OR51B5: variants seen among roughly 807,000 people sequenced by gnomAD.
OR51B5 encodes the protein olfactory receptor 51B5.
For synonymous variants in OR51B5, 186 were observed against 144.8 expected, an observed-to-expected ratio of 1.28 and a Z score of -2.04; for missense variants, 456 against 374.6, an observed-to-expected ratio of 1.22 and a Z score of -1.79.
chr11:5,343,684 G>GGGTTACTCATACTATTT (rs1320935618), upstream of OR51B5: 31 of 526,912 alleles, frequency 5.9e-5, no homozygotes, highest in Admixed American at 6.3e-4. Context: ...TACATTCTCA[G>GGGTTACTCATACTATTT]GGTTACTCAT....
intron 1 of OR51B5, chr11:5,390,281 G>A (rs1039542744): frequency 6.2e-7 from 1 of 1,613,900 alleles, no homozygotes; most frequent in Middle Eastern, 1.6e-4. Context: ...CTACCTTTTT[G>A]TGCCTCCCAT....
chr11:5,360,294 A>C (rs1386099737), intron 1 of OR51B5, among the ~76,000 whole-genome samples: 2 of 152,100 alleles, frequency 1.3e-5, no homozygotes, highest in Non-Finnish European at 2.9e-5. Flanking sequence ...AAACAAATTT[A>C]CAAGAAAAAA....
intron 1 of OR51B5, among the ~76,000 whole-genome samples, chr11:5,382,581 C>T (rs1260987169): frequency 6.6e-6 from 1 of 152,146 alleles, no homozygotes; most frequent in Non-Finnish European, 1.5e-5. Context: ...AAATCATGTT[C>T]TTAATAAATG....
At chr11:5,430,776 T>A (rs1354673730) in intron 1 of OR51B5, 2 of 457,262 alleles carry the variant, frequency 4.4e-6, no homozygotes, top group East Asian at 1.4e-4. Context: ...TAGACATAAG[T>A]GTGTGGACAA....
chr11:5,343,198 C>A, exon 1 of OR51B5: 2 of 1,613,782 alleles, frequency 1.2e-6, no homozygotes, highest in Non-Finnish European at 1.7e-6. Flanking sequence ...GAATGCCAGA[C>A]TCGAGAAAGG....
rs114245652 is a variant in OR51B5, at chr11:5,441,125, A to G, written n.84+64444T>C. 2.6e-3 allele frequency: 4,145 copies of G among 1,614,032 alleles called. 91 individuals carry two copies. In the African/African-American group the frequency reaches 0.05, roughly 19 times the overall value. On this transcript the variant is annotated intron_variant and non_coding_transcript_variant, in intron 1 of 4. Coordinates refer to the OR51B5 transcript ENST00000415970. The stretch of plus-strand genomic sequence containing the variant: ...TGAGCACAGTGACATAGCGTAATGG[A>G]TAACAAATAGCCACAAAGCGATCCA...
intron 1 of OR51B5, among the ~76,000 whole-genome samples, chr11:5,442,930 A>T (rs1442032770): frequency 6.6e-6 from 1 of 152,102 alleles, no homozygotes; most frequent in Admixed American, 6.6e-5. Context: ...TCTCCATTCA[A>T]GGGTACTATT....
chr11:5,401,888 CTTCCTTCCTTCCTTTTCTT>C (rs1849974657), intron 1 of OR51B5, among the ~76,000 whole-genome samples: 1 of 144,874 alleles, frequency 6.9e-6, no homozygotes, highest in African/African-American at 2.6e-5. Flanking sequence ...TTTTCTCTCT[CTTCCTTCCTTCCTTTTCTT>C]TCTCTCTCTC....
In OR51B5 at chr11:5,374,709, G is replaced by A. The variant is rs537521521; in HGVS notation, n.85-27799C>T. On this transcript the variant is annotated intron_variant and non_coding_transcript_variant, in intron 1 of 4. Transcript: ENST00000415970. ...ATGGAGAAGCCTCAGGAGCTGATGCGATCAACTGGAAGAAAGGGTATCAGT... is the reference window on the plus strand; with the variant it reads ...ATGGAGAAGCCTCAGGAGCTGATGCAATCAACTGGAAGAAAGGGTATCAGT... 2.9e-4 allele frequency among the ~76,000 whole-genome samples: 44 copies of A among 152,262 alleles called. 1 individual carries two copies. The highest frequency in any genetic ancestry group is 1.2e-3 in the East Asian group (6 of 5,178).
exon 1 of OR51B5, chr11:5,505,630 G>GCCATTCCAGTA: frequency 2.2e-6 from 1 of 445,982 alleles, no homozygotes; most frequent in Non-Finnish European, 3.6e-6. Context: ...ACATCCTACT[G>GCCATTCCAGTA]GAATGGCAGC....
At chr11:5,465,014 G>A (rs951459384) in intron 1 of OR51B5, among the ~76,000 whole-genome samples, 23 of 151,950 alleles carry the variant, frequency 1.5e-4, no homozygotes, top group South Asian at 4.1e-4. Context: ...AGACCATCCC[G>A]GCTAAAACGG....
intron 1 of OR51B5, among the ~76,000 whole-genome samples, chr11:5,350,557 A>G (rs1849063854): frequency 6.6e-6 from 1 of 152,132 alleles, no homozygotes; most frequent in Non-Finnish European, 1.5e-5. Context: ...GAGCCTTCTC[A>G]CTTTTGTCAA....
intron 1 of OR51B5, among the ~76,000 whole-genome samples, chr11:5,491,040 A>G (rs1363530936): frequency 6.6e-6 from 1 of 152,280 alleles, no homozygotes; most frequent in Non-Finnish European, 1.5e-5. Context: ...TGCCTTGCAC[A>G]TAATTAATAA....
At chr11:5,445,932 A>T (rs1850753944) in intron 1 of OR51B5, among the ~76,000 whole-genome samples, 1 of 152,150 alleles carries the variant, frequency 6.6e-6, no homozygotes, top group South Asian at 2.1e-4. Flanking sequence ...GCCATAAAAA[A>T]TGCTGAGTTC....
intron 1 of OR51B5, among the ~76,000 whole-genome samples, chr11:5,388,546 C>A (rs1849737794): frequency 6.9e-6 from 1 of 144,832 alleles, no homozygotes; most frequent in Admixed American, 7.0e-5. Context: ...TACCTATGAG[C>A]AAGCATACTA....
In OR51B5 at chr11:5,504,436, AT is replaced by A. The variant is rs1846344638; in HGVS notation, n.84+1132del. Among the ~76,000 whole-genome samples, 7 of 152,264 alleles carry A rather than the reference AT, an allele frequency of 4.6e-5. No homozygotes were observed. The South Asian group carries it at 1.5e-3, about 32-fold the overall frequency. ...AGCATGACCAAAACTCTGTGACTCT[AT>A]CTTCTCTTCGCCACCTGTGTAACCC... On this transcript the variant is annotated intron_variant and non_coding_transcript_variant, in intron 1 of 4. Transcript: ENST00000415970.
intron 1 of OR51B5, chr11:5,403,321 C>A (rs1850002477): frequency 2.1e-6 from 1 of 471,544 alleles, no homozygotes; most frequent in Non-Finnish European, 4.4e-6. Context: ...GCACTCAACA[C>A]ATGTGGCTCA....
intron 1 of OR51B5, among the ~76,000 whole-genome samples, chr11:5,380,912 C>A (rs1481393884): frequency 6.6e-6 from 1 of 152,032 alleles, no homozygotes; most frequent in Non-Finnish European, 1.5e-5. Flanking sequence ...AGAATTTAAG[C>A]CTATCCTTGG....
intron 1 of OR51B5, among the ~76,000 whole-genome samples, chr11:5,440,414 T>C (rs1175676744): frequency 6.6e-6 from 1 of 152,226 alleles, no homozygotes; most frequent in Non-Finnish European, 1.5e-5. Flanking sequence ...ATTGAATAAA[T>C]ATGTATGCCA....
Sources: gnomAD v4.1 joint callset for allele counts (sites outside exome capture counted in the v4.1 genomes callset) on GRCh38, gnomAD v4.1.1 for gene constraint, MANE v1.5 for transcripts, NCBI Gene and HGNC (gene_info 2026-07-23, HGNC 2026-07-21) for gene names.